Variants in SUCLG2 observed in about 807,000 individuals in gnomAD.
The protein encoded by SUCLG2 is succinate-CoA ligase GDP-forming subunit beta.
In SUCLG2, 42 loss-of-function variants were observed where a neutral mutation model predicts 47.9. The ratio of observed to expected loss-of-function variants is 0.88; its 90% CI spans 0.69 to 1.14. SUCLG2 has a LOEUF of 1.14. SUCLG2 is among the 50% of genes most tolerant of loss of function. SUCLG2 has a pLI of 0.00. For missense variants in SUCLG2, 571 were observed against 525.9 expected (o/e 1.09, Z -0.84); for synonymous variants, 195 against 197.3 (o/e 0.99, Z 0.10).
In SUCLG2 at chr3:67,601,693, C is replaced by T. The variant is rs139088748; in HGVS notation, c.226+7762G>A. 1.1e-4 allele frequency among the ~76,000 whole-genome samples: 17 copies of T among 152,218 alleles called. No individual in the cohort carries two copies. In the East Asian group the frequency reaches 3.1e-3, roughly 28 times the overall value. On this transcript the variant is annotated intron_variant, in intron 2 of 10. Coordinates refer to ENST00000307227, the MANE Select transcript of SUCLG2 (RefSeq NM_003848.4). ...AGGTAGCTTTAAAAAAACAAGTCGG[C>T]CAGGCCTATAATCTTCCCAACTTGG...
intron 1 of SUCLG2, among the ~76,000 whole-genome samples, chr3:67,631,026 TAAG>T (rs1392984366): frequency 6.6e-6 from 1 of 152,198 alleles, no homozygotes; most frequent in African/African-American, 2.4e-5. Context: ...CAATGTCCTA[TAAG>T]AAGATGCAGA....
intron 9 of SUCLG2, among the ~76,000 whole-genome samples, chr3:67,474,996 C>T (rs1165840009): frequency 3.9e-5 from 4 of 102,806 alleles, no homozygotes; most frequent in Admixed American, 2.2e-4. Context: ...ATTTCCTTTC[C>T]TGGTCTAAAA....
At chr3:67,385,700 C>A (rs993043606) in intron 10 of SUCLG2, among the ~76,000 whole-genome samples, 7 of 152,238 alleles carry the variant, frequency 4.6e-5, no homozygotes, top group Non-Finnish European at 7.3e-5. Context: ...AGTAAGGAAG[C>A]TCACTGGTGG....
Position 67,520,538 on chromosome 3 carries a change from G to A in SUCLG2, c.514C>T (p.Gln172Ter). 2.5e-6 allele frequency: 4 copies of A among 1,614,162 alleles called. No homozygotes were observed. Among genetic ancestry groups the A allele is most frequent in the Non-Finnish European group, 3.4e-6 (4 of 1,180,008 alleles). Residue 172 changes from glutamine (Q) to a stop codon, truncating the protein, a stop_gained, in exon 5 of 11, where the codon CAG (glutamine) becomes TAG (stop). Coordinates refer to ENST00000307227, the MANE Select transcript of SUCLG2 (RefSeq NM_003848.4). LOFTEE classifies it high-confidence loss of function. ...ACCTCTTCAATGTCGACGCCCCCCT[G>A]GGGGCTGCCCACCAGCACGGGGCCA... ...CNGPVLVGSP[Q>*]GGVDIEEVAA... is the part of the protein sequence containing the mutation.
intron 9 of SUCLG2, among the ~76,000 whole-genome samples, chr3:67,437,732 T>C (rs541138986): frequency 1.3e-5 from 2 of 152,160 alleles, no homozygotes; most frequent in African/African-American, 4.8e-5. Flanking sequence ...ATCAGAAAAT[T>C]TGGTTGAACG....
intron 9 of SUCLG2, among the ~76,000 whole-genome samples, chr3:67,425,850 T>A (rs1703288053): frequency 6.6e-6 from 1 of 152,246 alleles, no homozygotes; most frequent in African/African-American, 2.4e-5. Context: ...TGATACTGCA[T>A]AAACATTCGA....
At chr3:67,608,579 G>A (rs1415068645) in intron 2 of SUCLG2, among the ~76,000 whole-genome samples, 6 of 152,026 alleles carry the variant, frequency 3.9e-5, no homozygotes, top group Admixed American at 6.6e-5. Flanking sequence ...AAAAGAGCTG[G>A]GATGAAAACA....
chr3:67,587,819 C>T (rs1708063349), intron 2 of SUCLG2, among the ~76,000 whole-genome samples: 1 of 152,110 alleles, frequency 6.6e-6, no homozygotes, highest in South Asian at 2.1e-4. Flanking sequence ...CATTTCAAAA[C>T]ACATAAGGAA....
rs377594143 is a variant in SUCLG2 at position 67,512,882 on chromosome 3, C to CAT, written c.661-3981_661-3980dup. Among the ~76,000 whole-genome samples the CAT allele has an allele frequency of 4.6e-3, 681 of 148,844 alleles. 13 individuals carry two copies. The East Asian group carries it at 0.054, about 12-fold the overall frequency. ...CTCTCTCTGCCTCTCTCTCCATCTC[C>CAT]ATATATATATATATTTTCACACACA... On this transcript the variant is annotated intron_variant, in intron 6 of 10. Coordinates refer to ENST00000307227, the MANE Select transcript of SUCLG2 (RefSeq NM_003848.4).
intron 10 of SUCLG2, among the ~76,000 whole-genome samples, chr3:67,385,835 G>A (rs1215210436): frequency 6.6e-6 from 1 of 152,094 alleles, no homozygotes; most frequent in East Asian, 1.9e-4. Flanking sequence ...GGATCTGTTG[G>A]GCCTCTTCAA....
intron 7 of SUCLG2, among the ~76,000 whole-genome samples, chr3:67,506,680 A>C (rs1394836565): frequency 6.6e-6 from 1 of 152,224 alleles, no homozygotes; most frequent in Non-Finnish European, 1.5e-5. Context: ...AGCTACAGCT[A>C]CATTTCCATT....
At chr3:67,522,060 G>A (rs369910746) in intron 4 of SUCLG2, among the ~76,000 whole-genome samples, 1 of 151,014 alleles carries the variant, frequency 6.6e-6, no homozygotes, top group African/African-American at 2.4e-5. Context: ...TTATTTATTT[G>A]TTTATTCATT....
intron 9 of SUCLG2, among the ~76,000 whole-genome samples, chr3:67,487,805 A>G (rs2107035532): frequency 6.6e-6 from 1 of 152,298 alleles, no homozygotes; most frequent in African/African-American, 2.4e-5. Flanking sequence ...TAAAATGTGC[A>G]TACATTTTGA....
At chr3:67,442,776 T>G (rs1194828607) in intron 9 of SUCLG2, among the ~76,000 whole-genome samples, 3 of 152,226 alleles carry the variant, frequency 2.0e-5, no homozygotes, top group Non-Finnish European at 4.4e-5. Flanking sequence ...TTTGTAAACA[T>G]CTATACTAAT....
chr3:67,504,124 A>G (rs1705574928), intron 7 of SUCLG2, among the ~76,000 whole-genome samples: 1 of 152,194 alleles, frequency 6.6e-6, no homozygotes. Context: ...CCTTGCCAAA[A>G]TGGCCTTAAA....
intron 6 of SUCLG2, among the ~76,000 whole-genome samples, chr3:67,514,909 T>C (rs1019893332): frequency 1.3e-5 from 2 of 152,314 alleles, no homozygotes; most frequent in South Asian, 2.1e-4. Flanking sequence ...TCCCTGACCA[T>C]TGACATCATC....
At chr3:67,366,493 G>A (rs772144611) in intron 10 of SUCLG2, among the ~76,000 whole-genome samples, 1 of 152,092 alleles carries the variant, frequency 6.6e-6, no homozygotes. Flanking sequence ...CTCTGTTATC[G>A]CTGCAGCTGC....
At chr3:67,433,344 T>C (rs1703534391) in intron 9 of SUCLG2, among the ~76,000 whole-genome samples, 1 of 152,216 alleles carries the variant, frequency 6.6e-6, no homozygotes, top group African/African-American at 2.4e-5. Context: ...TATTTTTTCA[T>C]TCCATTTACC....
In SUCLG2 at chr3:67,498,127, T is replaced by C. The variant is rs371343389; in HGVS notation, c.919+7A>G. 3.4e-5 allele frequency: 55 copies of C among 1,603,342 alleles called. No individual in the cohort carries two copies. In the African/African-American group the frequency reaches 6.4e-4, roughly 19 times the overall value. ...CAAAGCATTCTTTTGATATAACTGC[T>C]TCTTACCAAAGCAGGCAATGTTCCC... On this transcript the variant is annotated splice_region_variant and intron_variant, in intron 8 of 10. Coordinates refer to ENST00000307227, the MANE Select transcript of SUCLG2 (RefSeq NM_003848.4).
Sources: gnomAD v4.1 joint callset for allele counts (sites outside exome capture counted in the v4.1 genomes callset) on GRCh38, gnomAD v4.1.1 for gene constraint, MANE v1.5 for transcripts, NCBI Gene and HGNC (gene_info 2026-07-23, HGNC 2026-07-21) for gene names.